Variants in CDH23 observed in about 807,000 individuals in gnomAD.
CDH23 encodes cadherin related 23, also known as cadherin-23.
In CDH23, 189 loss-of-function variants were observed where a neutral mutation model predicts 317.1. That is an observed-to-expected ratio of 0.60 (90% CI 0.53 to 0.67). The LOEUF (loss-of-function observed/expected upper bound fraction) is 0.67, where lower values mean the gene tolerates loss of function less well. Among genes scored for constraint, CDH23 ranks in the 30% least tolerant of loss-of-function variants. CDH23 has a pLI of 0.00. For synonymous variants in CDH23, 1,839 were observed against 1,876.8 expected (o/e 0.98, Z 0.52); for missense variants, 4,401 against 4,592.4 (o/e 0.96, Z 1.20).
At chr10:71,763,402 C>A (rs182887905) in intron 38 of CDH23, among the ~76,000 whole-genome samples, 3 of 152,376 alleles carry the variant, frequency 2.0e-5, no homozygotes, top group African/African-American at 7.2e-5. Context: ...CAAACTGATA[C>A]ATCCTTTTCA....
intron 19 of CDH23, among the ~76,000 whole-genome samples, chr10:71,688,776 C>T (rs1234889): frequency 1.1e-4 from 6 of 53,524 alleles, no homozygotes; most frequent in Admixed American, 1.8e-4. Flanking sequence ...GATGGTGGAG[C>T]CAGGGGTGGT....
At chr10:71,719,854 C>T (rs944188613) in intron 28 of CDH23, 1 of 152,682 alleles carries the variant, frequency 6.5e-6, no homozygotes, top group Admixed American at 6.5e-5. Flanking sequence ...GAGGGGATAG[C>T]TAAGGGAGTA....
intron 3 of CDH23, among the ~76,000 whole-genome samples, chr10:71,455,289 A>G (rs963005943): frequency 6.6e-5 from 10 of 152,212 alleles, no homozygotes; most frequent in Admixed American, 1.3e-4. Flanking sequence ...GGAAACCAGA[A>G]AAATGACTTT....
At chr10:71,693,575 G>A (rs994703340) in intron 20 of CDH23, among the ~76,000 whole-genome samples, 1 of 152,178 alleles carries the variant, frequency 6.6e-6, no homozygotes, top group Non-Finnish European at 1.5e-5. Flanking sequence ...GTGAACACCC[G>A]GTGTTTTTAT....
Position 71,732,139 on chromosome 10 carries a change from C to G in CDH23, c.3868C>G (p.Pro1290Ala), listed in dbSNP as rs781496261. 2 of 1,614,034 alleles carry G rather than the reference C, an allele frequency of 1.2e-6. No homozygotes were observed. The highest frequency in any genetic ancestry group is 2.2e-5 in the South Asian group (2 of 91,084). ...MMNVSATDQA[P>A]PFNQGFCSVY... ...GAATGTGTCGGCCACTGACCAGGCC[C>G]CGCCCTTCAACCAGGGCTTCTGCAG... The change falls in exon 32 of 70, where the codon CCG becomes GCG. Residue 1290 changes from proline to alanine, a missense_variant. Pro to Ala is a conservative substitution (Grantham distance 27, BLOSUM62 -1). Transcript: ENST00000224721.
chr10:71,798,682 C>T, intron 50 of CDH23, 104 bp downstream of exon 50: 1 of 911,174 alleles, frequency 1.1e-6, no homozygotes, highest in Non-Finnish European at 1.6e-6. Flanking sequence ...GTGGACTGGG[C>T]CAGATCCAAG....
chr10:71,759,952 T>TACACACACAC (rs1467012722), intron 38 of CDH23, among the ~76,000 whole-genome samples: 1 of 106,306 alleles, frequency 9.4e-6, no homozygotes, highest in Non-Finnish European at 2.2e-5. Context: ...CACACATATA[T>TACACACACAC]ATACACACAC....
chr10:71,744,478 G>A (rs1215241711), intron 38 of CDH23, among the ~76,000 whole-genome samples: 1 of 152,192 alleles, frequency 6.6e-6, no homozygotes, highest in Non-Finnish European at 1.5e-5. Flanking sequence ...GAATGCATGG[G>A]CCACTATCCA....
intron 28 of CDH23, chr10:71,716,092 G>A: frequency 2.6e-6 from 4 of 1,532,436 alleles, no homozygotes; most frequent in Non-Finnish European, 3.5e-6. Flanking sequence ...GGGGCTCACT[G>A]GGGCTCCCAG....
chr10:71,731,069 A>G (rs1429409486), intron 31 of CDH23, among the ~76,000 whole-genome samples: 1 of 152,240 alleles, frequency 6.6e-6, no homozygotes, highest in African/African-American at 2.4e-5. Context: ...GCCGCAGGGC[A>G]GTAGCCTGAA....
At chr10:71,461,619 T>A (rs1850989675) in intron 3 of CDH23, among the ~76,000 whole-genome samples, 1 of 152,176 alleles carries the variant, frequency 6.6e-6, no homozygotes, top group South Asian at 2.1e-4. Flanking sequence ...CTTGTACATC[T>A]CCATGCACGG....
At chr10:71,755,629 C>A (rs1297676315) in intron 38 of CDH23, among the ~76,000 whole-genome samples, 1 of 152,128 alleles carries the variant, frequency 6.6e-6, no homozygotes, top group Non-Finnish European at 1.5e-5. Flanking sequence ...GAAGATAAGG[C>A]GGTTCTCCTT....
chr10:71,441,345 C>T (rs1283197973), intron 2 of CDH23, among the ~76,000 whole-genome samples: 2 of 152,102 alleles, frequency 1.3e-5, no homozygotes, highest in Non-Finnish European at 2.9e-5. Flanking sequence ...ACACTTTCTT[C>T]AGCCTCCCCG....
chr10:71,532,356 A>AG, intron 6 of CDH23, among the ~76,000 whole-genome samples: 1 of 152,188 alleles, frequency 6.6e-6, no homozygotes, highest in South Asian at 2.1e-4. Context: ...CCTGCAACCG[A>AG]GCAGCTGGGC....
intron 11 of CDH23, chr10:71,635,347 A>C (rs1466118713): frequency 1.3e-5 from 2 of 152,626 alleles, no homozygotes; most frequent in East Asian, 3.8e-4. Flanking sequence ...CAGATAATAC[A>C]CACATCCGCG....
At chr10:71,754,973 G>C in intron 38 of CDH23, 1 of 413,962 alleles carries the variant, frequency 2.4e-6, no homozygotes. Flanking sequence ...ATCATTTTTT[G>C]TCCCAACAAT....
In CDH23 at chr10:71,491,429, G is replaced by A. The variant is rs796449078; in HGVS notation, c.146-18653G>A. Among the ~76,000 whole-genome samples, 20 of 152,296 alleles carry A rather than the reference G, an allele frequency of 1.3e-4. 1 individual carries two copies. The highest frequency in any genetic ancestry group is 2.4e-4 in the African/African-American group (10 of 41,554). On this transcript the variant is annotated intron_variant, in intron 3 of 69. Transcript: ENST00000224721. ...CTTGCACAGCCTTGGGCACACTGTCGAAATCCAACAAAATGCCCACAGTGA... is the reference window on the plus strand; with the variant it reads ...CTTGCACAGCCTTGGGCACACTGTCAAAATCCAACAAAATGCCCACAGTGA...
chr10:71,805,841 C>T lies in CDH23; in HGVS notation c.7908C>T (p.Tyr2636=), dbSNP rs878853337. 1 of 1,613,780 alleles carries T rather than the reference C, an allele frequency of 6.2e-7. No homozygotes were observed. Among genetic ancestry groups the T allele is most frequent in the Non-Finnish European group, 8.5e-7 (1 of 1,179,830 alleles). ...TGCGCTCCAACGTGTACGAGGTCTA[C>T]GCCACGGACAAGGATGAGGGCCTCA... ...IPLRSNVYEV[Y]ATDKDEGLNG... The change falls in exon 56 of 70, where the codon TAC becomes TAT. Residue 2636 remains tyrosine (Y), a synonymous_variant. Transcript: ENST00000224721.
chr10:71,406,630 G>T (rs955399491), intron 1 of CDH23, among the ~76,000 whole-genome samples: 4 of 152,278 alleles, frequency 2.6e-5, no homozygotes, highest in East Asian at 3.9e-4. Flanking sequence ...AGGCTTGCCG[G>T]ACACTTTGAT....
Sources: gnomAD v4.1 joint callset for allele counts (sites outside exome capture counted in the v4.1 genomes callset) on GRCh38, gnomAD v4.1.1 for gene constraint, MANE v1.5 for transcripts, NCBI Gene and HGNC (gene_info 2026-07-23, HGNC 2026-07-21) for gene names.